TMEM150B: variants seen among roughly 807,000 people sequenced by gnomAD.
The protein encoded by TMEM150B is modulator of macroautophagy TMEM150B.
TMEM150B carries 33 observed loss-of-function variants against 25.2 expected under a neutral mutation model. The observed-to-expected ratio is 1.31, with a 90% CI of 0.99 to 1.75. TMEM150B has a LOEUF of 1.75. Ranked by LOEUF, TMEM150B falls within the 40% of genes most tolerant of loss-of-function variation. The pLI, the probability that TMEM150B is intolerant of heterozygous loss-of-function variation, is 0.00. For missense variants in TMEM150B, 322 were observed against 306.1 expected (o/e 1.05, Z -0.39); for synonymous variants, 133 against 134.8 (o/e 0.99, Z 0.09).
chr19:55,323,961 T>C (rs2089272126), intron 1 of TMEM150B, among the ~76,000 whole-genome samples: 1 of 149,642 alleles, frequency 6.7e-6, no homozygotes, highest in Non-Finnish European at 1.5e-5. Flanking sequence ...TGCCCGCCAC[T>C]ATGCCTGGCT....
At chr19:55,318,190 A>G (rs996814238) in intron 6 of TMEM150B, among the ~76,000 whole-genome samples, 16 of 151,816 alleles carry the variant, frequency 1.1e-4, no homozygotes, top group Admixed American at 3.9e-4. Flanking sequence ...GTGAAACCTT[A>G]TCTCTACTAA....
intron 7 of TMEM150B, among the ~76,000 whole-genome samples, chr19:55,313,668 T>C (rs1319678411): frequency 6.6e-6 from 1 of 152,176 alleles, no homozygotes; most frequent in Non-Finnish European, 1.5e-5. Context: ...AGTCTTGTCC[T>C]ATCTGCCTTA....
intron 2 of TMEM150B, among the ~76,000 whole-genome samples, chr19:55,321,406 T>C (rs2089205243): frequency 6.6e-6 from 1 of 151,948 alleles, no homozygotes; most frequent in African/African-American, 2.4e-5. Context: ...GTCCTGGGAC[T>C]GGGGCTGGGT....
chr19:55,316,569 G>A (rs2089007498), intron 7 of TMEM150B, among the ~76,000 whole-genome samples: 2 of 151,794 alleles, frequency 1.3e-5, no homozygotes, highest in African/African-American at 2.4e-5. Context: ...GTAACAGCCC[G>A]CGGAAGTTTC....
chr19:55,320,865 C>T, intron 3 of TMEM150B, 104 bp downstream of exon 3: 9 of 1,408,144 alleles, frequency 6.4e-6, no homozygotes, highest in Non-Finnish European at 8.6e-6. Context: ...CCCTCAGATC[C>T]AGGGATCCAG....
intron 6 of TMEM150B, chr19:55,319,761 T>C: frequency 8.0e-7 from 1 of 1,253,118 alleles, no homozygotes; most frequent in Non-Finnish European, 1.0e-6. Flanking sequence ...AGTAATTTCA[T>C]CATTAAATAA....
At position 55,320,444 on chromosome 19, in the gene TMEM150B, A is replaced by G. The variant is rs751727394; in HGVS notation, c.143T>C (p.Phe48Ser). ...GFPYISICGSFPPQSCIFSQV... is the reference protein window; with the variant it reads ...GFPYISICGSSPPQSCIFSQV... ...GCTGAAGATGCAGCTCTGAGGGGGG[A>G]AGGATCCGCAGATGCTGGGGAAGAC... Residue 48 changes from phenylalanine (F) to serine (S), a missense_variant, in exon 5 of 8, where the codon TTC becomes TCC. Coordinates refer to ENST00000326652, the MANE Select transcript of TMEM150B (RefSeq NM_001282011.2). 7 of 1,588,662 alleles carry G rather than the reference A, an allele frequency of 4.4e-6. No individual in the cohort carries two copies. Among genetic ancestry groups the G allele is most frequent in the South Asian group, 1.1e-5 (1 of 87,468 alleles).
chr19:55,317,476 T>C (rs2089044133), intron 6 of TMEM150B, among the ~76,000 whole-genome samples: 1 of 151,890 alleles, frequency 6.6e-6, no homozygotes, highest in Non-Finnish European at 1.5e-5. Context: ...CAAAACCTCG[T>C]CTCTACAAAA....
Position 55,319,741 on chromosome 19 carries a change from C to T in TMEM150B, c.324+298G>A, listed in dbSNP as rs767700659. ...CTGGAATTACAGGCATGAGCCACTG[C>T]GCCTGGACCAGTAATTTCATCATTA... is the stretch of plus-strand genomic sequence containing the variant. On this transcript the variant is annotated intron_variant, in intron 6 of 7. Coordinates refer to ENST00000326652, the MANE Select transcript of TMEM150B (RefSeq NM_001282011.2). 997 of 1,196,038 alleles carry T rather than the reference C, an allele frequency of 8.3e-4. 3 individuals carry two copies. Among genetic ancestry groups the T allele is most frequent in the Non-Finnish European group, 1.0e-3 (970 of 955,596 alleles). The allele number at this position is 1,196,038 out of a possible 1,614,324, so 74.1% of individuals were successfully genotyped here. A position where few individuals can be genotyped will look rare whatever the true frequency, so the allele number is the denominator to read the frequency against.
chr19:55,323,606 G>A (rs1420675001), intron 1 of TMEM150B, among the ~76,000 whole-genome samples: 1 of 150,136 alleles, frequency 6.7e-6, no homozygotes, highest in Admixed American at 6.7e-5. Flanking sequence ...GGGTTCAAGT[G>A]ATTCTCCTGC....
rs2089024412 is a variant in TMEM150B at position 55,316,944 on chromosome 19, T to C, written c.347A>G (p.His116Arg). The C allele has an allele frequency of 1.2e-6, 2 of 1,602,366 alleles. No individual in the cohort carries two copies. Among genetic ancestry groups the C allele is most frequent in the Non-Finnish European group, 1.7e-6 (2 of 1,176,130 alleles). Residue 116 changes from histidine (H) to arginine (R), a missense_variant, in exon 7 of 8, where the codon CAC becomes CGC. By Grantham distance (29) the His-to-Arg change is conservative. Coordinates refer to ENST00000326652, the MANE Select transcript of TMEM150B (RefSeq NM_001282011.2). ...NFQEKNQRPT[H>R]LAGAFLAFIL... Reference sequence around the variant, plus strand: ...GAAGGCAAGGAAGGCCCCTGCCAAGTGCGTAGGCCGCTGGTTCTTTTCCTG... The same window carrying C: ...GAAGGCAAGGAAGGCCCCTGCCAAGCGCGTAGGCCGCTGGTTCTTTTCCTG...
chr19:55,322,853 C>T (rs1401730674), intron 1 of TMEM150B, 110 bp from the exon 2 acceptor site: 3 of 358,402 alleles, frequency 8.4e-6, no homozygotes, highest in Non-Finnish European at 1.2e-5. Context: ...CTTAGAACCT[C>T]ACAGGCAGCA....
intron 7 of TMEM150B, among the ~76,000 whole-genome samples, chr19:55,316,042 G>A (rs1469103075): frequency 6.6e-6 from 1 of 152,196 alleles, no homozygotes; most frequent in Non-Finnish European, 1.5e-5. Context: ...CTGTGCTGGT[G>A]GAAAGTGCCT....
At chr19:55,312,533 C>CAAAAAAAAAAAAAAA, downstream of TMEM150B, 1 of 25,726 alleles carries the variant, frequency 3.9e-5, no homozygotes, top group Non-Finnish European at 6.2e-5. Flanking sequence ...CCGCCGGCGG[C>CAAAAAAAAAAAAAAA]AAAAAAAAAA....
At chr19:55,319,849 C>G (rs2123110143) in intron 6 of TMEM150B, 190 bp downstream of exon 6, 2 of 1,421,636 alleles carry the variant, frequency 1.4e-6, no homozygotes, top group South Asian at 1.5e-5. Context: ...CAGCCTCGCT[C>G]GTAGTGCCCC....
At position 55,320,443 on chromosome 19, in the gene TMEM150B, G is replaced by A. The variant is rs2089168981; in HGVS notation, c.144C>T (p.Phe48=). ...GFPYISICGS[F]PPQSCIFSQV... is the part of the protein sequence containing the mutation. ...GGCTGAAGATGCAGCTCTGAGGGGG[G>A]AAGGATCCGCAGATGCTGGGGAAGA... The change falls in exon 5 of 8, where the codon TTC becomes TTT. Residue 48 remains phenylalanine (F), a synonymous_variant. Coordinates refer to ENST00000326652, the MANE Select transcript of TMEM150B (RefSeq NM_001282011.2). The A allele has an allele frequency of 1.9e-6, 3 of 1,589,976 alleles. No individual in the cohort carries two copies. In the African/African-American group the frequency reaches 4.0e-5, roughly 21 times the overall value.
Position 55,313,074 on chromosome 19 carries a change from C to T in TMEM150B, c.506-19G>A. Reference sequence around the variant, plus strand: ...ACGATCACTGCCCCAGGGTCAAGGGCCACACTGCTACCGTGACAGACGCGG... The same window carrying T: ...ACGATCACTGCCCCAGGGTCAAGGGTCACACTGCTACCGTGACAGACGCGG... On this transcript the variant is annotated intron_variant, in intron 7 of 7. Transcript: ENST00000326652. 1.3e-6 allele frequency: 2 copies of T among 1,598,952 alleles called. No homozygotes were observed. Among genetic ancestry groups the T allele is most frequent in the Non-Finnish European group, 1.7e-6 (2 of 1,173,272 alleles).
chr19:55,312,607 T>C, downstream of TMEM150B: 1 of 393,222 alleles, frequency 2.5e-6, no homozygotes, highest in Non-Finnish European at 4.5e-6. Flanking sequence ...CTGGCTGGCC[T>C]TGGCCTCTCG....
chr19:55,319,433 C>CTTTTTTTTTTTTTT (rs1175390458), intron 6 of TMEM150B: 1 of 46,862 alleles, frequency 2.1e-5, no homozygotes, highest in Non-Finnish European at 3.5e-5. Flanking sequence ...TCTTCTTCTT[C>CTTTTTTTTTTTTTT]TTTTTTTTTT....
Sources: gnomAD v4.1 joint callset for allele counts (sites outside exome capture counted in the v4.1 genomes callset) on GRCh38, gnomAD v4.1.1 for gene constraint, MANE v1.5 for transcripts, NCBI Gene and HGNC (gene_info 2026-07-23, HGNC 2026-07-21) for gene names.